C6orf89: variants seen among roughly 807,000 people sequenced by gnomAD.
C6orf89 encodes chromosome 6 open reading frame 89.
C6orf89 carries 29 observed loss-of-function variants against 40.7 expected under a neutral mutation model. The ratio of observed to expected loss-of-function variants is 0.71; its 90% CI spans 0.53 to 0.97. The LOEUF is 0.97. Among genes scored for constraint, C6orf89 ranks in the 50% least tolerant of loss-of-function variants. C6orf89 has a pLI of 0.00. For synonymous variants in C6orf89, 165 were observed against 152.2 expected, an observed-to-expected ratio of 1.08 and a Z score of -0.62; for missense variants, 392 against 429.1, an observed-to-expected ratio of 0.91 and a Z score of 0.76.
chr6:36,919,328 C>T (rs1006857480), intron 7 of C6orf89, among the ~76,000 whole-genome samples: 1 of 152,214 alleles, frequency 6.6e-6, no homozygotes, highest in Non-Finnish European at 1.5e-5. Context: ...TCACACAGTG[C>T]CTCTTTAGGA....
At chr6:36,881,497 A>C (rs1334856969), upstream of C6orf89, among the ~76,000 whole-genome samples, 1 of 152,116 alleles carries the variant, frequency 6.6e-6, no homozygotes, top group African/African-American at 2.4e-5. Context: ...ACATGGTGAA[A>C]TGCCGTTTCT....
intron 4 of C6orf89, among the ~76,000 whole-genome samples, chr6:36,903,250 G>T (rs1286697535): frequency 1.3e-5 from 2 of 151,664 alleles, no homozygotes; most frequent in African/African-American, 4.8e-5. Context: ...TGTGTGTAAA[G>T]AAATTTACTT....
intron 8 of C6orf89, among the ~76,000 whole-genome samples, chr6:36,920,408 G>T (rs777052373): frequency 6.6e-6 from 1 of 152,180 alleles, no homozygotes; most frequent in Non-Finnish European, 1.5e-5. Context: ...ATAAATCAGC[G>T]AGTGTCACCA....
intron 1 of C6orf89, 113 bp downstream of exon 1, chr6:36,886,141 A>G (rs1338457275): frequency 3.1e-6 from 3 of 957,954 alleles, no homozygotes; most frequent in East Asian, 6.6e-5. Flanking sequence ...ACCACCCTCT[A>G]TCCCAGCGCG....
rs1762646773 is a variant in C6orf89 at position 36,925,402 on chromosome 6, C to T, written c.*1961C>T. On this transcript the variant is annotated 3_prime_UTR_variant, in exon 9 of 9. Transcript: ENST00000480824. Reference sequence around the variant, plus strand: ...GTGAGTTACTCTGTATTCCTTTCCCCATTTCACTCTTGCCCTTCACATCTT... The same window carrying T: ...GTGAGTTACTCTGTATTCCTTTCCCTATTTCACTCTTGCCCTTCACATCTT... 6.6e-6 allele frequency: 1 copy of T among 152,148 alleles called. No individual in the cohort carries two copies. Among genetic ancestry groups the T allele is most frequent in the Non-Finnish European group, 1.5e-5 (1 of 68,032 alleles). The allele number at this position is 152,148 out of a possible 1,614,324, so 9.4% of individuals were successfully genotyped here.
intron 7 of C6orf89, among the ~76,000 whole-genome samples, chr6:36,918,309 C>G (rs940040522): frequency 6.6e-6 from 1 of 152,254 alleles, no homozygotes; most frequent in Non-Finnish European, 1.5e-5. Context: ...CTGCCCACTT[C>G]AGGCCTGTGT....
At chr6:36,894,049 G>GA (rs1029403998) in intron 1 of C6orf89, among the ~76,000 whole-genome samples, 48 of 144,834 alleles carry the variant, frequency 3.3e-4, no homozygotes, top group African/African-American at 9.2e-4. Flanking sequence ...GGAAAAAAAG[G>GA]AAAAAAAAAA....
intron 1 of C6orf89, among the ~76,000 whole-genome samples, chr6:36,887,462 G>A (rs1255222449): frequency 1.3e-5 from 2 of 152,156 alleles, no homozygotes; most frequent in African/African-American, 2.4e-5. Flanking sequence ...TATTTAGGGT[G>A]GGAGGTAGAC....
intron 8 of C6orf89, among the ~76,000 whole-genome samples, chr6:36,921,059 C>T (rs937172640): frequency 2.6e-5 from 4 of 152,008 alleles, no homozygotes; most frequent in Non-Finnish European, 4.4e-5. Flanking sequence ...GCCTAACATC[C>T]GGTGCATGAT....
At chr6:36,874,807 T>A (rs1397143429) in intron 1 of C6orf89, 2 of 1,611,608 alleles carry the variant, frequency 1.2e-6, no homozygotes, top group Non-Finnish European at 1.7e-6. Context: ...GTCTAGTAAT[T>A]GCTACTTCCG....
chr6:36,899,324 C>T, intron 2 of C6orf89, 102 bp from the exon 3 acceptor site: 1 of 989,780 alleles, frequency 1.0e-6, no homozygotes, highest in Non-Finnish European at 1.6e-6. Flanking sequence ...GAGGAAAGCA[C>T]AAAACTGGTC....
intron 1 of C6orf89, among the ~76,000 whole-genome samples, chr6:36,892,079 A>G (rs938424770): frequency 2.6e-5 from 4 of 152,202 alleles, no homozygotes; most frequent in African/African-American, 9.7e-5. Flanking sequence ...ATATGCCTCT[A>G]CCCTGTTTCT....
rs550257304 is a variant in C6orf89 at position 36,927,349 on chromosome 6, C to A, written c.*3908C>A. ...GGAATGAGTTTGCTTATTACCCAGT[C>A]ACTTTCGTAGTGAATGTTCAAACCC... On this transcript the variant is annotated 3_prime_UTR_variant, in exon 9 of 9. Transcript: ENST00000480824. 4.6e-5 allele frequency: 7 copies of A among 152,230 alleles called. No homozygotes were observed. The highest frequency in any genetic ancestry group is 8.8e-5 in the Non-Finnish European group (6 of 68,044). 9.4% of individuals were successfully genotyped at this position (152,230 alleles called of 1,614,324 possible).
At chr6:36,893,095 C>T (rs564007465) in intron 1 of C6orf89, among the ~76,000 whole-genome samples, 115 of 152,160 alleles carry the variant, frequency 7.6e-4, no homozygotes, top group Non-Finnish European at 1.4e-3. Context: ...CCACCGCGCC[C>T]GGCTAATTTT....
chr6:36,872,557 G>A (rs1774535394), intron 1 of C6orf89, among the ~76,000 whole-genome samples: 1 of 151,962 alleles, frequency 6.6e-6, no homozygotes, highest in Non-Finnish European at 1.5e-5. Flanking sequence ...GAAAGGACGA[G>A]TGCCTTCCCC....
upstream of C6orf89, among the ~76,000 whole-genome samples, chr6:36,880,892 T>C (rs1312421136): frequency 6.6e-6 from 1 of 152,248 alleles, no homozygotes; most frequent in Non-Finnish European, 1.5e-5. Flanking sequence ...ATGTCACACA[T>C]AGTCTGTGTA....
chr6:36,897,129 C>CAAAAAA (rs34191608), intron 2 of C6orf89, among the ~76,000 whole-genome samples: 27 of 85,298 alleles, frequency 3.2e-4, no homozygotes, highest in African/African-American at 5.1e-4. Flanking sequence ...GACTCTGTCT[C>CAAAAAA]AAAAAAAAAA....
rs911368176 is a variant in C6orf89 at position 36,895,611 on chromosome 6, C to T, written c.-20+1008C>T. On this transcript the variant is annotated intron_variant, in intron 2 of 8. Transcript: ENST00000480824. Reference sequence around the variant, plus strand: ...TGCAGCTATATAATCTGTAGTTTTTCGTGACTGTCTTCTTTCACCTAGCAT... The same window carrying T: ...TGCAGCTATATAATCTGTAGTTTTTTGTGACTGTCTTCTTTCACCTAGCAT... Among the ~76,000 whole-genome samples the T allele has an allele frequency of 8.5e-5, 13 of 152,168 alleles. No individual in the cohort carries two copies. In the South Asian group the frequency reaches 1.4e-3, roughly 17 times the overall value.
intron 1 of C6orf89, among the ~76,000 whole-genome samples, chr6:36,878,210 T>C (rs1020561100): frequency 6.6e-6 from 1 of 152,224 alleles, no homozygotes; most frequent in African/African-American, 2.4e-5. Context: ...CACCTCTTTG[T>C]CATAAATCAA....
Sources: gnomAD v4.1 joint callset for allele counts (sites outside exome capture counted in the v4.1 genomes callset) on GRCh38, gnomAD v4.1.1 for gene constraint, MANE v1.5 for transcripts, NCBI Gene and HGNC (gene_info 2026-07-23, HGNC 2026-07-21) for gene names.